The following POLR1F variants were observed in gnomAD, a reference collection of about 807,000 sequenced individuals.
The protein encoded by POLR1F is DNA-directed RNA polymerase I subunit RPA43.
Under a neutral mutation model 21.8 loss-of-function variants are expected in POLR1F, and 23 were observed. That is an observed-to-expected ratio of 1.05 (90% CI 0.76 to 1.49). POLR1F has a LOEUF of 1.49. POLR1F is among the 40% of genes most tolerant of loss of function. The pLI is 0.00. For missense variants in POLR1F, 435 were observed against 412.1 expected (o/e 1.06, Z -0.48); for synonymous variants, 162 against 152.8 (o/e 1.06, Z -0.45).
intron 1 of POLR1F, among the ~76,000 whole-genome samples, chr7:19,708,407 G>A (rs1783565784): frequency 6.6e-6 from 1 of 152,176 alleles, no homozygotes; most frequent in African/African-American, 2.4e-5. Flanking sequence ...AGCATCATCC[G>A]TAAGGGGATA....
rs1783359312 is a variant in POLR1F at position 19,696,088 on chromosome 7, T to G, written c.*2228A>C. On this transcript the variant is annotated 3_prime_UTR_variant, in exon 4 of 4. Coordinates refer to ENST00000222567, the MANE Select transcript of POLR1F (RefSeq NM_001002926.2). ...AAGGGATCTAGTCTAGGCTATAGGG[T>G]TTGTATGAGCAAATTCCAAGATAGA... 6.6e-6 allele frequency: 1 copy of G among 151,912 alleles called. No homozygotes were observed. The highest frequency in any genetic ancestry group is 6.6e-5 in the Admixed American group (1 of 15,258). The allele number at this position is 151,912 out of a possible 1,614,324, so 9.4% of individuals were successfully genotyped here.
chr7:19,700,255 C>G lies in POLR1F; in HGVS notation c.422G>C (p.Ser141Thr). 2 of 1,613,562 alleles carry G rather than the reference C, an allele frequency of 1.2e-6. No homozygotes were observed. The highest frequency in any genetic ancestry group is 1.6e-4 in the Middle Eastern group (1 of 6,062). The change falls in exon 3 of 4, where the codon AGC (serine) becomes ACC (threonine). Residue 141 changes from serine (S) to threonine (T), a missense_variant. By Grantham distance (58) the Ser-to-Thr change is moderately conservative (BLOSUM62 1). Coordinates refer to ENST00000222567, the MANE Select transcript of POLR1F (RefSeq NM_001002926.2). ...LMGIVNKVSS[S>T]HIGCLVHGCF... ...CCCATGTACTAAACAGCCAATGTGG[C>G]TAGAAGACACTTTATTAACTATACC...
rs1210726312 is a variant in POLR1F at position 19,698,032 on chromosome 7, A to G, written c.*284T>C. ...GTCCTTTGGCTAGTCTTGACATTGT[A>G]GAAATAATTTTATGTAGAGTGCAAA... On this transcript the variant is annotated 3_prime_UTR_variant, in exon 4 of 4. Transcript: ENST00000222567. The G allele has an allele frequency of 1.0e-4, 26 of 254,160 alleles. No homozygotes were observed. In the Admixed American group the frequency reaches 1.3e-3, roughly 13 times the overall value. The allele number at this position is 254,160 out of a possible 1,614,324, so 15.7% of individuals were successfully genotyped here. A position where few individuals can be genotyped will look rare whatever the true frequency, so the allele number is the denominator to read the frequency against.
In POLR1F at chr7:19,696,552, G is replaced by A. The variant is rs573344465; in HGVS notation, c.*1764C>T. 1 of 151,990 alleles carries A rather than the reference G, an allele frequency of 6.6e-6. No homozygotes were observed. The highest frequency in any genetic ancestry group is 1.5e-5 in the Non-Finnish European group (1 of 67,924). 9.4% of individuals were successfully genotyped at this position (151,990 alleles called of 1,614,324 possible). On this transcript the variant is annotated 3_prime_UTR_variant, in exon 4 of 4. Transcript: ENST00000222567. ...ATTGTATACTCAAATTTTAAAATGT[G>A]AAGGGAACACTTACTAAGCATTTCC... is the stretch of plus-strand genomic sequence containing the variant.
intron 1 of POLR1F, 82 bp from the exon 2 acceptor site, chr7:19,705,002 C>A: frequency 7.0e-7 from 1 of 1,422,814 alleles, no homozygotes; most frequent in South Asian, 1.5e-5. Flanking sequence ...CTTGCTCTGT[C>A]ACCCAGGATA....
In POLR1F at chr7:19,704,637, T is replaced by A. The variant is rs1783492538; in HGVS notation, c.396+142A>T. ...TTACCTACGTTTGAATGATACAAAT[T>A]AATTTTTCCTTAAAAATAATATTTA... is the stretch of plus-strand genomic sequence containing the variant. On this transcript the variant is annotated intron_variant, in intron 2 of 3. Coordinates refer to ENST00000222567, the MANE Select transcript of POLR1F (RefSeq NM_001002926.2). 3 of 781,166 alleles carry A rather than the reference T, an allele frequency of 3.8e-6. No homozygotes were observed. In the Admixed American group the frequency reaches 1.2e-4, roughly 30 times the overall value. 48.4% of individuals were successfully genotyped at this position (781,166 alleles called of 1,614,324 possible). A position where few individuals can be genotyped will look rare whatever the true frequency, so the allele number is the denominator to read the frequency against.
At chr7:19,701,628 G>A (rs541424835) in intron 2 of POLR1F, among the ~76,000 whole-genome samples, 9 of 152,266 alleles carry the variant, frequency 5.9e-5, no homozygotes, top group African/African-American at 2.2e-4. Context: ...AGAGCATTAA[G>A]TTACAGAGTA....
At chr7:19,699,590 G>A (rs948917965) in intron 3 of POLR1F, among the ~76,000 whole-genome samples, 7 of 151,936 alleles carry the variant, frequency 4.6e-5, no homozygotes, top group African/African-American at 1.7e-4. Context: ...TTTAAACTTG[G>A]CTCCCATGGA....
chr7:19,703,202 G>A (rs1783467969), intron 2 of POLR1F, among the ~76,000 whole-genome samples: 1 of 152,042 alleles, frequency 6.6e-6, no homozygotes, highest in South Asian at 2.1e-4. Flanking sequence ...TGATCAAAAG[G>A]CGGCAGATTT....
At chr7:19,699,932 G>C (rs1171182260) in intron 3 of POLR1F, 140 bp downstream of exon 3, 1 of 673,854 alleles carries the variant, frequency 1.5e-6, no homozygotes, top group Non-Finnish European at 2.5e-6. Context: ...TGACTTTATG[G>C]TTTGAAAGCA....
intron 1 of POLR1F, among the ~76,000 whole-genome samples, chr7:19,706,728 G>C (rs906155336): frequency 6.6e-6 from 1 of 152,122 alleles, no homozygotes; most frequent in Non-Finnish European, 1.5e-5. Context: ...ATTCAAGGGG[G>C]ATTTTGTTAA....
At position 19,696,316 on chromosome 7, in the gene POLR1F, G is replaced by C. The variant is rs1783363365; in HGVS notation, c.*2000C>G. 1 of 152,060 alleles carries C rather than the reference G, an allele frequency of 6.6e-6. No individual in the cohort carries two copies. Among genetic ancestry groups the C allele is most frequent in the South Asian group, 2.1e-4 (1 of 4,822 alleles). 9.4% of individuals were successfully genotyped at this position (152,060 alleles called of 1,614,324 possible). On this transcript the variant is annotated 3_prime_UTR_variant, in exon 4 of 4. Coordinates refer to ENST00000222567, the MANE Select transcript of POLR1F (RefSeq NM_001002926.2). ...AAAGCAGGAACAAATCTAGTTTCAA[G>C]TTCAGCATGCCGTTCCCTGTTTAAT...
chr7:19,699,976 G>C, intron 3 of POLR1F, 96 bp downstream of exon 3: 1 of 1,026,524 alleles, frequency 9.7e-7, no homozygotes, highest in Non-Finnish European at 1.4e-6. Context: ...TTTTAGAGAG[G>C]CTTATTCTCT....
At position 19,708,803 on chromosome 7, in the gene POLR1F, G is replaced by A; in HGVS notation, c.214C>T (p.Arg72Ter). The A allele has an allele frequency of 6.2e-7, 1 of 1,614,060 alleles. No individual in the cohort carries two copies. Among genetic ancestry groups the A allele is most frequent in the Non-Finnish European group, 8.5e-7 (1 of 1,179,906 alleles). The stretch of plus-strand genomic sequence containing the variant: ...AGGAGCTCCGCATCAAGCTGTTCTC[G>A]AATGCCGGTGCGTTTCCTGTTAAGG... ...RYLNRKRTGIREQLDAELLRY... is the reference protein window; with the variant it reads ...RYLNRKRTGI Residue 72 changes from arginine to a stop codon, truncating the protein, a stop_gained, in exon 1 of 4, where the codon CGA (arginine) becomes TGA (stop). Transcript: ENST00000222567. LOFTEE classifies it high-confidence loss of function.
At chr7:19,708,644 G>A in intron 1 of POLR1F, 119 bp downstream of exon 1, 1 of 1,401,892 alleles carries the variant, frequency 7.1e-7, no homozygotes, top group Non-Finnish European at 9.8e-7. Flanking sequence ...AAATCCAGGG[G>A]GCTAAGCTCT....
intron 2 of POLR1F, among the ~76,000 whole-genome samples, chr7:19,701,870 T>A (rs1257151088): frequency 1.3e-5 from 2 of 151,996 alleles, no homozygotes; most frequent in African/African-American, 4.8e-5. Context: ...ACGAAATAAA[T>A]GCCTGGAGTG....
In POLR1F at chr7:19,698,469, C is replaced by A; in HGVS notation, c.864G>T (p.Gln288His). The A allele has an allele frequency of 1.2e-6, 2 of 1,612,436 alleles. No individual in the cohort carries two copies. The highest frequency in any genetic ancestry group is 1.7e-6 in the Non-Finnish European group (2 of 1,179,606). ...KKKKKKHQEV[Q>H]DQDPVFQGSD... ...TGCCTTGGAAAACAGGGTCCTGGTC[C>A]TGAACTTCCTGGTGCTTTTTCTTCT... The change falls in exon 4 of 4, where the codon CAG (glutamine) becomes CAT (histidine). Residue 288 changes from glutamine to histidine, a missense_variant. Transcript: ENST00000222567.
Position 19,698,255 on chromosome 7 carries a change from C to A in POLR1F, c.*61G>T. On this transcript the variant is annotated 3_prime_UTR_variant, in exon 4 of 4. Coordinates refer to ENST00000222567, the MANE Select transcript of POLR1F (RefSeq NM_001002926.2). ...CTTAACCTTTTCATATCACTGAAAA[C>A]ATTTATTCATCTATTGTATGTAGAT... is the stretch of plus-strand genomic sequence containing the variant. 1 of 1,402,590 alleles carries A rather than the reference C, an allele frequency of 7.1e-7. No homozygotes were observed. Among genetic ancestry groups the A allele is most frequent in the Non-Finnish European group, 9.4e-7 (1 of 1,066,290 alleles). 86.9% of individuals were successfully genotyped at this position (1,402,590 alleles called of 1,614,324 possible). A position where few individuals can be genotyped will look rare whatever the true frequency, so the allele number is the denominator to read the frequency against.
rs1783397081 is a variant in POLR1F at position 19,698,204 on chromosome 7, T to A, written c.*112A>T. The A allele has an allele frequency of 1.0e-6, 1 of 985,954 alleles. No homozygotes were observed. The highest frequency in any genetic ancestry group is 3.0e-5 in the East Asian group (1 of 33,558). 61.1% of individuals were successfully genotyped at this position (985,954 alleles called of 1,614,324 possible). A position where few individuals can be genotyped will look rare whatever the true frequency, so the allele number is the denominator to read the frequency against. On this transcript the variant is annotated 3_prime_UTR_variant, in exon 4 of 4. Coordinates refer to ENST00000222567, the MANE Select transcript of POLR1F (RefSeq NM_001002926.2). ...AAGCCTCCTACTCCTAGTTAAGTAT[T>A]TTCTGTTTTGTAAACTACTGGCATA...
Sources: allele counts gnomAD v4.1 joint callset (sites outside exome capture counted in the v4.1 genomes callset), GRCh38; gene constraint gnomAD v4.1.1; transcripts MANE v1.5; gene names NCBI Gene and HGNC (gene_info 2026-07-23, HGNC 2026-07-21).